The following ACAD10 variants were observed in gnomAD, a reference collection of about 807,000 sequenced individuals.
ACAD10 encodes the protein ACAD-10.
In ACAD10, 112 loss-of-function variants were observed where a neutral mutation model predicts 116.8. That is an observed-to-expected ratio of 0.96 (90% CI 0.82 to 1.12). ACAD10 has a LOEUF of 1.12. Ranked by LOEUF, ACAD10 falls within the 50% of genes most tolerant of loss-of-function variation. The pLI is 0.00. For missense variants in ACAD10, 1,259 were observed against 1,350.2 expected (o/e 0.93, Z 1.06); for synonymous variants, 486 against 510.6 (o/e 0.95, Z 0.65).
chr12:111,748,643 C>A, intron 17 of ACAD10, 168 bp downstream of exon 17: 1 of 751,192 alleles, frequency 1.3e-6, no homozygotes, highest in Non-Finnish European at 2.1e-6. Context: ...GAATATCAAC[C>A]ATGCAGGCGG....
In ACAD10 at chr12:111,729,833, C is replaced by A; in HGVS notation, c.1271C>A (p.Thr424Asn). The part of the protein sequence containing the change: ...QGDYIPRQVR[T>N]WVKQYRASET... ...GACTATATTCCACGCCAGGTACGAACCTGGGTTAAGCAGTATCGAGCTTCC... is the reference window on the plus strand; with the variant it reads ...GACTATATTCCACGCCAGGTACGAAACTGGGTTAAGCAGTATCGAGCTTCC... The change falls in exon 10 of 21, where the codon ACC becomes AAC. Residue 424 changes from threonine to asparagine, a missense_variant. Physicochemically the swap from Thr to Asn is moderately conservative, Grantham distance 65 (BLOSUM62 0). Coordinates refer to ENST00000313698, the MANE Select transcript of ACAD10 (RefSeq NM_025247.6). 4 of 1,614,096 alleles carry A rather than the reference C, an allele frequency of 2.5e-6. No individual in the cohort carries two copies. The highest frequency in any genetic ancestry group is 3.4e-6 in the Non-Finnish European group (4 of 1,180,004).
chr12:111,736,594 C>A (rs1301561020), intron 11 of ACAD10, among the ~76,000 whole-genome samples: 1 of 152,200 alleles, frequency 6.6e-6, no homozygotes, highest in African/African-American at 2.4e-5. Context: ...CCCATTCCTT[C>A]CTTTACTGCC....
chr12:111,729,770 A>C (rs752701744), intron 9 of ACAD10, 36 bp from the exon 10 acceptor site: 3 of 1,598,416 alleles, frequency 1.9e-6, no homozygotes, highest in Non-Finnish European at 2.6e-6. Flanking sequence ...GAGGTTGCTG[A>C]AATTGCACAC....
intron 3 of ACAD10, 110 bp downstream of exon 3, chr12:111,702,420 C>G: frequency 7.1e-7 from 1 of 1,413,018 alleles, no homozygotes; most frequent in Admixed American, 2.1e-5. Flanking sequence ...AACCTAATAA[C>G]CCATTACATG....
At chr12:111,700,321 T>C (rs111551170) in intron 2 of ACAD10, among the ~76,000 whole-genome samples, 11 of 152,380 alleles carry the variant, frequency 7.2e-5, no homozygotes, top group African/African-American at 2.6e-4. Context: ...AAACACCTTA[T>C]TAGTATACAT....
rs1304772959 is a variant in ACAD10, at chr12:111,747,403, C to T, written c.2485+18C>T. Reference sequence around the variant, plus strand: ...GATCACAGGTATTTGGCCTAAAATGCACTTTCCAAATGCACATCAGGGAGT... The same window carrying T: ...GATCACAGGTATTTGGCCTAAAATGTACTTTCCAAATGCACATCAGGGAGT... On this transcript the variant is annotated intron_variant, in intron 16 of 20. Coordinates refer to ENST00000313698, the MANE Select transcript of ACAD10 (RefSeq NM_025247.6). 1.2e-6 allele frequency: 2 copies of T among 1,613,614 alleles called. No individual in the cohort carries two copies. The highest frequency in any genetic ancestry group is 2.2e-5 in the South Asian group (2 of 91,082).
At chr12:111,727,380 C>T (rs113000206) in intron 8 of ACAD10, among the ~76,000 whole-genome samples, 6 of 151,848 alleles carry the variant, frequency 4.0e-5, no homozygotes, top group South Asian at 2.1e-4. Flanking sequence ...AAAAATTAGC[C>T]GGGCGTGGTG....
At chr12:111,690,010 C>T (rs568435981) in intron 1 of ACAD10, among the ~76,000 whole-genome samples, 29 of 152,306 alleles carry the variant, frequency 1.9e-4, no homozygotes, top group Admixed American at 1.1e-3. Flanking sequence ...CCACTGCACC[C>T]GGCCTTACTT....
At chr12:111,745,315 G>A in intron 13 of ACAD10, 1 of 499,170 alleles carries the variant, frequency 2.0e-6, no homozygotes, top group Non-Finnish European at 3.5e-6. Flanking sequence ...GGGCAGGTTA[G>A]GCCTATCTGA....
rs770183241 is a variant in ACAD10, at chr12:111,705,872, TA to T, written c.473del (p.Asn158IlefsTer20). On this transcript the variant is annotated frameshift_variant, in exon 4 of 21. Transcript: ENST00000313698. LOFTEE classifies it high-confidence loss of function. ...KGLQTAVLSN[N>X]FYLPNQKSFL... is the part of the protein sequence containing the mutation. The stretch of plus-strand genomic sequence containing the variant: ...GTCTTCAGACTGCAGTCTTGAGCAA[TA>T]ATTTTTATCTTCCCAACCAGAAAAG... 4.3e-6 allele frequency: 7 copies of T among 1,614,140 alleles called. No individual in the cohort carries two copies. In the African/African-American group the frequency reaches 9.3e-5, roughly 22 times the overall value.
chr12:111,726,000 AGAG>A (rs1253318595), intron 8 of ACAD10, among the ~76,000 whole-genome samples: 2 of 152,082 alleles, frequency 1.3e-5, no homozygotes, highest in Non-Finnish European at 2.9e-5. Flanking sequence ...ACAATTTTTT[AGAG>A]TAGTAAACTG....
At chr12:111,715,796 G>A in intron 6 of ACAD10, 25 bp from the exon 7 acceptor site, 2 of 1,614,082 alleles carry the variant, frequency 1.2e-6, no homozygotes, top group Non-Finnish European at 1.7e-6. Context: ...GCTGGTTTGA[G>A]TTTTCTTTGT....
intron 7 of ACAD10, among the ~76,000 whole-genome samples, chr12:111,721,294 A>C (rs1231569661): frequency 1.3e-5 from 2 of 152,324 alleles, no homozygotes; most frequent in East Asian, 3.9e-4. Flanking sequence ...CAGGCCAGGC[A>C]CAATGGCTTA....
chr12:111,691,935 T>C (rs1593011160), intron 1 of ACAD10, among the ~76,000 whole-genome samples: 1 of 151,904 alleles, frequency 6.6e-6, no homozygotes, highest in Admixed American at 6.6e-5. Flanking sequence ...AATTGAGATT[T>C]TATTTTAAGG....
chr12:111,720,000 T>G (rs767764029), intron 7 of ACAD10, among the ~76,000 whole-genome samples: 22 of 152,136 alleles, frequency 1.4e-4, no homozygotes, highest in Admixed American at 5.9e-4. Context: ...GTGCTGAGAT[T>G]GCAGGCATGA....
intron 5 of ACAD10, among the ~76,000 whole-genome samples, chr12:111,711,546 A>T (rs1425580105): frequency 9.2e-6 from 1 of 108,572 alleles, no homozygotes; most frequent in South Asian, 2.8e-4. Flanking sequence ...TTTTTTTGAG[A>T]TGGAGTCTTG....
chr12:111,743,159 C>T (rs1301756689), intron 12 of ACAD10, among the ~76,000 whole-genome samples: 1 of 152,132 alleles, frequency 6.6e-6, no homozygotes, highest in Non-Finnish European at 1.5e-5. Context: ...AGACATTGTA[C>T]ACATAGCAAT....
chr12:111,738,027 G>A (rs1889623181), intron 12 of ACAD10, among the ~76,000 whole-genome samples: 1 of 151,738 alleles, frequency 6.6e-6, no homozygotes, highest in African/African-American at 2.4e-5. Context: ...TCATTTTTTT[G>A]TTTGTTTTTA....
intron 8 of ACAD10, among the ~76,000 whole-genome samples, chr12:111,723,017 G>C (rs1889067322): frequency 7.2e-6 from 1 of 138,396 alleles, no homozygotes; most frequent in Non-Finnish European, 1.6e-5. Flanking sequence ...GCGGGGGGCT[G>C]ACCCCCCCCC....
Sources: allele counts gnomAD v4.1 joint callset (sites outside exome capture counted in the v4.1 genomes callset), GRCh38; gene constraint gnomAD v4.1.1; transcripts MANE v1.5; gene names NCBI Gene and HGNC (gene_info 2026-07-23, HGNC 2026-07-21).